GRK5: variants seen among roughly 807,000 people sequenced by gnomAD.
The protein encoded by GRK5 is g protein-coupled receptor kinase GRK5.
GRK5 carries 40 observed loss-of-function variants against 78.4 expected under a neutral mutation model. The observed-to-expected ratio is 0.51, with a 90% confidence interval of 0.40 to 0.66. The LOEUF is 0.66. GRK5 is among the 30% of genes least tolerant of loss of function. GRK5 has a pLI of 0.00. For synonymous variants in GRK5, 289 were observed against 296.8 expected (o/e 0.97, Z 0.27); for missense variants, 598 against 759.9 (o/e 0.79, Z 2.50).
At chr10:119,306,001 A>G (rs1327663908) in intron 1 of GRK5, among the ~76,000 whole-genome samples, 3 of 152,112 alleles carry the variant, frequency 2.0e-5, no homozygotes, top group East Asian at 1.9e-4. Flanking sequence ...CCCTGAGACC[A>G]TGGAAAGGCT....
chr10:119,387,060 AGTGGTG>A (rs1851810462), intron 3 of GRK5, among the ~76,000 whole-genome samples: 1 of 151,770 alleles, frequency 6.6e-6, no homozygotes, highest in Non-Finnish European at 1.5e-5. Context: ...GCTGGAGTGC[AGTGGTG>A]CGATCTCAGC....
chr10:119,210,288 T>A (rs974170514), intron 1 of GRK5, among the ~76,000 whole-genome samples: 4 of 152,102 alleles, frequency 2.6e-5, no homozygotes, highest in Non-Finnish European at 5.9e-5. Context: ...ACAAGAAAAA[T>A]TAATCATTTA....
At position 119,330,055 on chromosome 10, in the gene GRK5, G is replaced by A. The variant is rs538190715; in HGVS notation, c.148+3444G>A. 3.3e-5 allele frequency among the ~76,000 whole-genome samples: 5 copies of A among 151,942 alleles called. No homozygotes were observed. In the East Asian group the frequency reaches 9.8e-4, roughly 30 times the overall value. On this transcript the variant is annotated intron_variant, in intron 2 of 15. Transcript: ENST00000392870. ...TTTTTGTATTTTTAGTAGAGACAGG[G>A]TTTTGCCATGTTGGCCAGGCTGGTT...
At chr10:119,398,566 G>A (rs903211403) in intron 4 of GRK5, among the ~76,000 whole-genome samples, 5 of 152,156 alleles carry the variant, frequency 3.3e-5, no homozygotes, top group African/African-American at 9.7e-5. Context: ...GCCCCCATAG[G>A]GCTACCCAGT....
intron 1 of GRK5, among the ~76,000 whole-genome samples, chr10:119,279,519 G>T (rs569112659): frequency 3.5e-4 from 53 of 152,156 alleles, no homozygotes; most frequent in Middle Eastern, 3.4e-3. Context: ...GTGCTACTAG[G>T]GGGGTGGGAG....
At position 119,433,057 on chromosome 10, in the gene GRK5, T is replaced by G. The variant is rs1852851178; in HGVS notation, c.738+1530T>G. Among the ~76,000 whole-genome samples the G allele has an allele frequency of 2.6e-5, 4 of 151,904 alleles. No homozygotes were observed. The South Asian group carries it at 8.3e-4, about 32-fold the overall frequency. ...CTGCACTCCAGCCTGGGTGACAGAG[T>G]GAGACTTTGTTAAAAACAAAACAAA... On this transcript the variant is annotated intron_variant, in intron 8 of 15. Transcript: ENST00000392870.
Position 119,455,264 on chromosome 10 carries a change from G to T in GRK5, c.*197G>T. ...CCACTCAGGTCTGTTTTCCGAGGCG[G>T]CCCCGGCCGGGGTGGATTGGATTTG... On this transcript the variant is annotated 3_prime_UTR_variant, in exon 16 of 16. Transcript: ENST00000392870. 1 of 700,214 alleles carries T rather than the reference G, an allele frequency of 1.4e-6. No homozygotes were observed. Among genetic ancestry groups the T allele is most frequent in the Admixed American group, 2.0e-5 (1 of 49,856 alleles). The allele number at this position is 700,214 out of a possible 1,614,324, so 43.4% of individuals were successfully genotyped here.
chr10:119,312,026 C>G (rs577179130), intron 1 of GRK5, among the ~76,000 whole-genome samples: 1 of 151,110 alleles, frequency 6.6e-6, no homozygotes, highest in Admixed American at 6.6e-5. Flanking sequence ...ACGCCATTCT[C>G]CTGCCTCAGC....
intron 2 of GRK5, among the ~76,000 whole-genome samples, chr10:119,340,104 G>T (rs778410741): frequency 2.7e-5 from 4 of 150,916 alleles, no homozygotes; most frequent in African/African-American, 4.9e-5. Context: ...TTAAAGTGTG[G>T]TTTTTTTGTT....
intron 1 of GRK5, among the ~76,000 whole-genome samples, chr10:119,321,835 GC>G (rs1850591060): frequency 6.6e-6 from 1 of 152,126 alleles, no homozygotes; most frequent in Admixed American, 6.5e-5. Context: ...GCTTGGGGCT[GC>G]CTCCAAGTGG....
intron 1 of GRK5, among the ~76,000 whole-genome samples, chr10:119,257,400 C>T (rs576641528): frequency 4.6e-5 from 7 of 152,178 alleles, no homozygotes; most frequent in Non-Finnish European, 8.8e-5. Context: ...GGCACCATCG[C>T]AGGTGGGAGG....
At chr10:119,361,373 A>G (rs559791661) in intron 2 of GRK5, among the ~76,000 whole-genome samples, 3 of 152,226 alleles carry the variant, frequency 2.0e-5, no homozygotes, top group African/African-American at 7.2e-5. Flanking sequence ...TCATGATTCA[A>G]CCATTCTCTT....
chr10:119,434,523 C>A (rs899367943), intron 8 of GRK5, among the ~76,000 whole-genome samples: 3 of 152,242 alleles, frequency 2.0e-5, no homozygotes, highest in Non-Finnish European at 4.4e-5. Context: ...TCCAGCAGGG[C>A]AGTCAAATCT....
chr10:119,354,540 T>C (rs1851237838), intron 2 of GRK5, among the ~76,000 whole-genome samples: 1 of 151,982 alleles, frequency 6.6e-6, no homozygotes, highest in Non-Finnish European at 1.5e-5. Context: ...TATCTGGGGC[T>C]ACAGGTGTAC....
In GRK5 at chr10:119,381,011, G is replaced by A. The variant is rs534442785; in HGVS notation, c.261+84G>A. 9 of 829,128 alleles carry A rather than the reference G, an allele frequency of 1.1e-5. No homozygotes were observed. In the East Asian group the frequency reaches 2.2e-4, roughly 21 times the overall value. 51.4% of individuals were successfully genotyped at this position (829,128 alleles called of 1,614,324 possible). On this transcript the variant is annotated intron_variant, in intron 3 of 15. Transcript: ENST00000392870. ...GCTCAAAGGAAAAAATAGATCTCAT[G>A]GGTTAGAAGACTGAGGAATAAACTC...
chr10:119,297,308 G>T (rs1437717045), intron 1 of GRK5, among the ~76,000 whole-genome samples: 1 of 152,212 alleles, frequency 6.6e-6, no homozygotes, highest in Non-Finnish European at 1.5e-5. Flanking sequence ...TTTGGCGAAT[G>T]TTAGTGCAGT....
intron 1 of GRK5, among the ~76,000 whole-genome samples, chr10:119,225,191 G>A (rs767570942): frequency 5.9e-5 from 9 of 152,146 alleles, no homozygotes; most frequent in Admixed American, 3.3e-4. Context: ...GTTTTCTTTA[G>A]TAGATTACAG....
At chr10:119,403,265 C>G (rs987900474) in intron 4 of GRK5, among the ~76,000 whole-genome samples, 3 of 152,074 alleles carry the variant, frequency 2.0e-5, no homozygotes, top group Non-Finnish European at 4.4e-5. Context: ...CTCCCGGGTT[C>G]ACGCCATTCT....
At chr10:119,282,221 C>A (rs10510056) in intron 1 of GRK5, among the ~76,000 whole-genome samples, 8 of 152,092 alleles carry the variant, frequency 5.3e-5, no homozygotes, top group Non-Finnish European at 1.2e-4. Context: ...ACTTTAGTAT[C>A]GTGAGTGAGC....
Sources: allele counts gnomAD v4.1 joint callset (sites outside exome capture counted in the v4.1 genomes callset), GRCh38; gene constraint gnomAD v4.1.1; transcripts MANE v1.5; gene names NCBI Gene and HGNC (gene_info 2026-07-23, HGNC 2026-07-21).